The following PPP1R9A variants were observed in gnomAD, a reference collection of about 807,000 sequenced individuals.
The protein encoded by PPP1R9A is protein phosphatase 1 regulatory subunit 9A.
In PPP1R9A, 59 loss-of-function variants were observed where a neutral mutation model predicts 141.9. That is an observed-to-expected ratio of 0.42 (90% CI 0.34 to 0.52). The LOEUF is 0.52. Ranked by LOEUF, PPP1R9A falls within the 20% of genes least tolerant of loss-of-function variation. PPP1R9A has a pLI of 0.10. For missense variants in PPP1R9A, 1,444 were observed against 1,611.9 expected, an observed-to-expected ratio of 0.90 and a Z score of 1.78; for synonymous variants, 500 against 569.7, an observed-to-expected ratio of 0.88 and a Z score of 1.74.
intron 5 of PPP1R9A, among the ~76,000 whole-genome samples, chr7:95,165,957 G>A (rs1259657076): frequency 6.6e-6 from 1 of 152,076 alleles, no homozygotes. Context: ...AGACCAGCCT[G>A]GCCAACATAG....
intron 2 of PPP1R9A, among the ~76,000 whole-genome samples, chr7:95,009,638 T>G (rs1347617719): frequency 6.6e-6 from 1 of 152,220 alleles, no homozygotes; most frequent in African/African-American, 2.4e-5. Context: ...CCAGAACTTG[T>G]GCTTCAGCAG....
intron 5 of PPP1R9A, among the ~76,000 whole-genome samples, chr7:95,163,788 G>A (rs960991566): frequency 3.3e-5 from 5 of 152,086 alleles, no homozygotes; most frequent in East Asian, 1.9e-4. Context: ...CACCCAGGCT[G>A]GAGTGCAGTG....
At chr7:95,122,369 A>G (rs1490775912) in intron 4 of PPP1R9A, among the ~76,000 whole-genome samples, 1 of 151,874 alleles carries the variant, frequency 6.6e-6, no homozygotes, top group African/African-American at 2.4e-5. Context: ...ATGGCCTCGA[A>G]CTCCTGACCT....
At chr7:95,270,472 C>T (rs1481320041) in intron 14 of PPP1R9A, among the ~76,000 whole-genome samples, 3 of 152,050 alleles carry the variant, frequency 2.0e-5, no homozygotes, top group East Asian at 3.9e-4. Flanking sequence ...TTTTTCATAT[C>T]TGAGGGACAT....
intron 2 of PPP1R9A, among the ~76,000 whole-genome samples, chr7:94,938,169 T>G (rs1318348018): frequency 1.3e-5 from 2 of 152,138 alleles, no homozygotes; most frequent in Non-Finnish European, 2.9e-5. Context: ...GAGCTCCTTC[T>G]CTTGTCAGAT....
Position 94,910,076 on chromosome 7 carries a change from A to T in PPP1R9A, c.-38A>T. The T allele has an allele frequency of 1.3e-6, 2 of 1,547,748 alleles. No individual in the cohort carries two copies. Among genetic ancestry groups the T allele is most frequent in the Admixed American group, 4.2e-5 (2 of 47,518 alleles). On this transcript the variant is annotated 5_prime_UTR_variant, in exon 2 of 20. Transcript: ENST00000433360. The surrounding 1 kb of genome is among the most constrained non-coding windows in gnomAD (Gnocchi z 4.5). ...TCTTGGTTTTTGGTTTTTTTCTTTG[A>T]TCATTATGAACATTGGCTTTTCACC...
intron 2 of PPP1R9A, among the ~76,000 whole-genome samples, chr7:95,077,042 T>TA (rs1814959944): frequency 1.3e-5 from 2 of 152,268 alleles, no homozygotes; most frequent in South Asian, 4.1e-4. Flanking sequence ...ATTTTACTTT[T>TA]AACCTTTTAG....
intron 2 of PPP1R9A, among the ~76,000 whole-genome samples, chr7:95,103,301 G>A (rs544637730): frequency 1.2e-4 from 18 of 149,122 alleles, no homozygotes; most frequent in Admixed American, 6.7e-4. Flanking sequence ...TTGTGTTGCC[G>A]TTTGAACTAG....
At chr7:95,035,650 G>C (rs1808332666) in intron 2 of PPP1R9A, 1 of 152,074 alleles carries the variant, frequency 6.6e-6, no homozygotes, top group African/African-American at 2.4e-5. Context: ...ATTTCTGTTT[G>C]ACTAATAAGT....
At chr7:95,028,900 T>C (rs1807272126) in intron 2 of PPP1R9A, among the ~76,000 whole-genome samples, 2 of 152,312 alleles carry the variant, frequency 1.3e-5, no homozygotes, top group Middle Eastern at 3.4e-3. Context: ...TTTCACTCTT[T>C]AGACCTGCTT....
Position 95,288,484 on chromosome 7 carries a change from G to A in PPP1R9A, c.3730-52G>A, listed in dbSNP as rs1805758149. The A allele has an allele frequency of 5.7e-6, 9 of 1,577,596 alleles. No homozygotes were observed. The Admixed American group carries it at 7.3e-5, about 13-fold the overall frequency. On this transcript the variant is annotated intron_variant, in intron 18 of 19. Coordinates refer to ENST00000433360, the MANE Select transcript of PPP1R9A (RefSeq NM_001166160.2). ...GAAATTCCTTTTGATAGCATAATAT[G>A]AGCCATAGTATCTTGGTCCTTTAAC...
chr7:95,083,193 C>G (rs1816161861), intron 2 of PPP1R9A, among the ~76,000 whole-genome samples: 1 of 151,908 alleles, frequency 6.6e-6, no homozygotes, highest in African/African-American at 2.4e-5. Context: ...CCCAGAGAAA[C>G]AGGTAAATCT....
chr7:95,066,894 A>G (rs1178609924), intron 2 of PPP1R9A, among the ~76,000 whole-genome samples: 1 of 152,204 alleles, frequency 6.6e-6, no homozygotes, highest in Non-Finnish European at 1.5e-5. Context: ...TCACCAAGAC[A>G]TGTCATTTAG....
chr7:94,935,889 A>G (rs1161459302), intron 2 of PPP1R9A, among the ~76,000 whole-genome samples: 1 of 152,166 alleles, frequency 6.6e-6, no homozygotes, highest in Non-Finnish European at 1.5e-5. Flanking sequence ...ATCAGCCTGG[A>G]TTATAACATG....
intron 2 of PPP1R9A, among the ~76,000 whole-genome samples, chr7:94,942,339 T>C (rs193024287): frequency 2.0e-5 from 3 of 152,328 alleles, no homozygotes; most frequent in African/African-American, 7.2e-5. Flanking sequence ...TGAACTTGTC[T>C]AGGAATAAGT....
At position 94,910,278 on chromosome 7, in the gene PPP1R9A, G is replaced by T; in HGVS notation, c.165G>T (p.Arg55Ser). The T allele has an allele frequency of 6.2e-7, 1 of 1,614,046 alleles. No homozygotes were observed. The highest frequency in any genetic ancestry group is 8.5e-7 in the Non-Finnish European group (1 of 1,179,998). ...TKEGEGSQQSRGRKYGSNVNR... is the reference protein window; with the variant it reads ...TKEGEGSQQSSGRKYGSNVNR... ...AAGGTGAGGGCTCCCAGCAGAGCAG[G>T]GGGAGGAAATATGGCTCCAATGTCA... is the stretch of plus-strand genomic sequence containing the variant. The change falls in exon 2 of 20, where the codon AGG becomes AGT. Residue 55 changes from arginine (R) to serine (S), a missense_variant. Arg to Ser is a moderately radical substitution (Grantham distance 110, BLOSUM62 -1). Transcript: ENST00000433360. This position sits in a 1 kb window ranked among gnomAD's most constrained non-coding sequence, Gnocchi z 4.5.
chr7:95,034,300 C>A (rs1032598215), intron 2 of PPP1R9A, among the ~76,000 whole-genome samples: 2 of 151,858 alleles, frequency 1.3e-5, no homozygotes, highest in East Asian at 1.9e-4. Context: ...TATATAATAT[C>A]AATAAACATA....
At chr7:95,222,924 CTA>C (rs1410281901) in intron 7 of PPP1R9A, among the ~76,000 whole-genome samples, 2 of 151,894 alleles carry the variant, frequency 1.3e-5, no homozygotes, top group African/African-American at 2.4e-5. Context: ...TTAGAAGAAC[CTA>C]TTTTTCTTAG....
intron 2 of PPP1R9A, among the ~76,000 whole-genome samples, chr7:94,914,337 T>G (rs1429276541): frequency 6.6e-6 from 1 of 152,202 alleles, no homozygotes; most frequent in African/African-American, 2.4e-5. Flanking sequence ...ATGTTTTACA[T>G]AGATATTTCC....
Sources: gnomAD v4.1 joint callset for allele counts (sites outside exome capture counted in the v4.1 genomes callset) on GRCh38, gnomAD v4.1.1 for gene constraint, Gnocchi (gnomAD v3.1) non-coding constraint, MANE v1.5 for transcripts, NCBI Gene and HGNC (gene_info 2026-07-23, HGNC 2026-07-21) for gene names.